Variants in SDK1 observed in about 807,000 individuals in gnomAD.
SDK1 encodes sidekick cell adhesion molecule 1.
A neutral mutation model predicts 245.5 loss-of-function variants in SDK1; 157 were observed. The observed-to-expected ratio is 0.64, with a 90% CI of 0.56 to 0.73. The LOEUF (loss-of-function observed/expected upper bound fraction) is 0.73, where lower values mean the gene tolerates loss of function less well. Ranked by LOEUF, SDK1 falls within the 30% of genes least tolerant of loss-of-function variation. The pLI, the probability that SDK1 is intolerant of heterozygous loss-of-function variation, is 0.00. For missense variants in SDK1, 3,583 were observed against 3,002.3 expected (o/e 1.19, Z -4.52); for synonymous variants, 1,647 against 1,278.5 (o/e 1.29, Z -6.15).
chr7:3,708,202 C>T (rs970268714), intron 4 of SDK1, among the ~76,000 whole-genome samples: 12 of 152,076 alleles, frequency 7.9e-5, no homozygotes, highest in Non-Finnish European at 1.3e-4. Flanking sequence ...CCAGATCTCA[C>T]GAGAACTCAC....
intron 4 of SDK1, among the ~76,000 whole-genome samples, chr7:3,811,136 G>C (rs1381215715): frequency 6.6e-6 from 1 of 152,190 alleles, no homozygotes; most frequent in Non-Finnish European, 1.5e-5. Context: ...TGTAGCTTCT[G>C]AGCCAGCCTC....
rs1484489952 is a variant in SDK1 at position 4,083,892 on chromosome 7, T to TG, written c.3324+4313dup. 2.0e-5 allele frequency among the ~76,000 whole-genome samples: 3 copies of TG among 150,672 alleles called. No individual in the cohort carries two copies. The Admixed American group carries it at 2.0e-4, about 10-fold the overall frequency. On this transcript the variant is annotated intron_variant, in intron 22 of 44. Transcript: ENST00000404826. ...CTGCTTCCCTGTTACTACAGCAGGG[T>TG]GGGGGCACGTAGGTCTAGTCGCCCC...
At chr7:3,694,491 A>G (rs1266887745) in intron 4 of SDK1, among the ~76,000 whole-genome samples, 1 of 152,158 alleles carries the variant, frequency 6.6e-6, no homozygotes, top group Non-Finnish European at 1.5e-5. Context: ...GATTCCAGGT[A>G]GTGAAATTAG....
At chr7:3,821,271 A>C (rs1174418827) in intron 4 of SDK1, among the ~76,000 whole-genome samples, 179 bp from the exon 5 acceptor site, 1 of 152,180 alleles carries the variant, frequency 6.6e-6, no homozygotes, top group Non-Finnish European at 1.5e-5. Context: ...CAGCTGGATC[A>C]GAAGAGGCTC....
chr7:4,164,923 A>G lies in SDK1; in HGVS notation c.4800+3067A>G, dbSNP rs1016964837. On this transcript the variant is annotated intron_variant, in intron 32 of 44. Coordinates refer to ENST00000404826, the MANE Select transcript of SDK1 (RefSeq NM_152744.4). ...ATAAATGCTTGTCAACTGCCAGGCAATTGAAGTATAATTAAAATTATGAGT... is the reference window on the plus strand; with the variant it reads ...ATAAATGCTTGTCAACTGCCAGGCAGTTGAAGTATAATTAAAATTATGAGT... 2.6e-5 allele frequency among the ~76,000 whole-genome samples: 4 copies of G among 152,250 alleles called. No homozygotes were observed. In the East Asian group the frequency reaches 7.7e-4, roughly 29 times the overall value.
chr7:3,600,948 G>T (rs116341962), intron 1 of SDK1, among the ~76,000 whole-genome samples: 1 of 152,070 alleles, frequency 6.6e-6, no homozygotes, highest in Non-Finnish European at 1.5e-5. Flanking sequence ...GTTGTATTTT[G>T]TCAAATGCTT....
chr7:3,896,941 C>T (rs1430758109), intron 5 of SDK1, among the ~76,000 whole-genome samples: 1 of 152,044 alleles, frequency 6.6e-6, no homozygotes, highest in Non-Finnish European at 1.5e-5. Context: ...GCTGGGGAGG[C>T]CTCAGGAAAG....
Position 4,202,591 on chromosome 7 carries a change from A to C in SDK1, c.5099-3288A>C, listed in dbSNP as rs542960425. 5.9e-5 allele frequency among the ~76,000 whole-genome samples: 9 copies of C among 152,216 alleles called. No homozygotes were observed. In the South Asian group the frequency reaches 1.9e-3, roughly 32 times the overall value. On this transcript the variant is annotated intron_variant, in intron 35 of 44. Coordinates refer to ENST00000404826, the MANE Select transcript of SDK1 (RefSeq NM_152744.4). ...GGGCCATGTCGCTGTCCCCAGATCA[A>C]ATGGATGACCTTCCGCCTGGCGGAC...
rs1787376246 is a variant in SDK1 at position 4,026,752 on chromosome 7, C to T, written c.2602+9400C>T. Among the ~76,000 whole-genome samples the T allele has an allele frequency of 6.6e-6, 1 of 152,178 alleles. No homozygotes were observed. On this transcript the variant is annotated intron_variant, in intron 17 of 44. Coordinates refer to ENST00000404826, the MANE Select transcript of SDK1 (RefSeq NM_152744.4). This position sits in a 1 kb window ranked among gnomAD's most constrained non-coding sequence, Gnocchi z 4.1. ...AGAACCTTCAGGTCTATCAAAACTG[C>T]AAGCACCATAACAACGCGAGAACTC...
chr7:3,851,227 A>C (rs957462999), intron 5 of SDK1, among the ~76,000 whole-genome samples: 3 of 152,144 alleles, frequency 2.0e-5, no homozygotes, highest in African/African-American at 4.8e-5. Context: ...GCCCCAAATA[A>C]TAAGCTTTTA....
At chr7:3,431,667 C>G (rs1779851571) in intron 1 of SDK1, among the ~76,000 whole-genome samples, 1 of 152,114 alleles carries the variant, frequency 6.6e-6, no homozygotes, top group Admixed American at 6.5e-5. Flanking sequence ...GCAGCATAGC[C>G]TGGTGGACTA....
At chr7:3,397,831 T>A (rs1173148324) in intron 1 of SDK1, among the ~76,000 whole-genome samples, 2 of 152,248 alleles carry the variant, frequency 1.3e-5, no homozygotes, top group Admixed American at 6.5e-5. Context: ...GTTTTACACT[T>A]TTTTCCATTA....
intron 5 of SDK1, among the ~76,000 whole-genome samples, chr7:3,868,252 A>G (rs1780869473): frequency 6.6e-6 from 1 of 152,216 alleles, no homozygotes. Context: ...GTCACCAATC[A>G]TTGATTCTGA....
At chr7:3,600,551 G>GTTTTTT (rs368644982) in intron 1 of SDK1, among the ~76,000 whole-genome samples, 5 of 109,044 alleles carry the variant, frequency 4.6e-5, no homozygotes, top group Non-Finnish European at 7.4e-5. Context: ...ATTAGATGTA[G>GTTTTTT]TTTTTTTTTT....
chr7:3,541,241 A>G (rs1779045842), intron 1 of SDK1, among the ~76,000 whole-genome samples: 1 of 152,232 alleles, frequency 6.6e-6, no homozygotes. Flanking sequence ...AAGTCATTGT[A>G]AATTAGTCTG....
intron 1 of SDK1, among the ~76,000 whole-genome samples, chr7:3,356,124 C>T (rs1308969012): frequency 6.6e-6 from 1 of 152,102 alleles, no homozygotes; most frequent in African/African-American, 2.4e-5. Flanking sequence ...CTTTTACAAG[C>T]TATTTTCTTA....
rs570729298 is a variant in SDK1 at position 4,161,721 on chromosome 7, C to T, written c.4730-65C>T. On this transcript the variant is annotated intron_variant, in intron 31 of 44. Coordinates refer to ENST00000404826, the MANE Select transcript of SDK1 (RefSeq NM_152744.4). ...CCTCCCCATACTCACTGAGGGTGGC[C>T]CTGGGAAGGGCGGCAGAACATAACA... 1,238 of 1,375,544 alleles carry T rather than the reference C, an allele frequency of 9.0e-4. 13 individuals carry two copies. The Admixed American group carries it at 0.02, about 22-fold the overall frequency. The allele number at this position is 1,375,544 out of a possible 1,614,324, so 85.2% of individuals were successfully genotyped here.
At chr7:3,679,932 A>G (rs906955236) in intron 4 of SDK1, among the ~76,000 whole-genome samples, 5 of 152,186 alleles carry the variant, frequency 3.3e-5, no homozygotes, top group Admixed American at 2.6e-4. Context: ...GAAGACCTGT[A>G]TTGACACAAA....
At chr7:3,561,001 T>G (rs1779734597) in intron 1 of SDK1, among the ~76,000 whole-genome samples, 1 of 152,208 alleles carries the variant, frequency 6.6e-6, no homozygotes, top group Non-Finnish European at 1.5e-5. Flanking sequence ...TCACATTTTT[T>G]TTCTTTTGGC....
Sources: gnomAD v4.1 joint callset for allele counts (sites outside exome capture counted in the v4.1 genomes callset) on GRCh38, gnomAD v4.1.1 for gene constraint, Gnocchi (gnomAD v3.1) non-coding constraint, MANE v1.5 for transcripts, NCBI Gene and HGNC (gene_info 2026-07-23, HGNC 2026-07-21) for gene names.